Variants in CCDC150 observed in about 807,000 individuals in gnomAD.
The protein encoded by CCDC150 is coiled-coil domain containing 150, also known as coiled-coil domain-containing protein 150.
Under a neutral mutation model 156.5 loss-of-function variants are expected in CCDC150, and 151 were observed. The observed-to-expected ratio is 0.97, with a 90% CI of 0.85 to 1.10. The LOEUF is 1.10. Among genes scored for constraint, CCDC150 ranks in the 50% least tolerant of loss-of-function variants. The pLI, the probability that CCDC150 is intolerant of heterozygous loss-of-function variation, is 0.00. For missense variants in CCDC150, 1,312 were observed against 1,268.1 expected, an observed-to-expected ratio of 1.03 and a Z score of -0.53; for synonymous variants, 452 against 429.4, an observed-to-expected ratio of 1.05 and a Z score of -0.65.
At chr2:196,695,290 C>G in intron 14 of CCDC150, 131 bp downstream of exon 14, 1 of 519,024 alleles carries the variant, frequency 1.9e-6, no homozygotes, top group Non-Finnish European at 3.5e-6. Context: ...GAGATTCTTA[C>G]AGTATTCAAA....
At chr2:196,639,849 A>T in intron 1 of CCDC150, 71 bp downstream of exon 1, 2 of 1,362,598 alleles carry the variant, frequency 1.5e-6, no homozygotes, top group South Asian at 1.6e-5. Flanking sequence ...AGATAAGGAC[A>T]GTCACCACTC....
intron 15 of CCDC150, among the ~76,000 whole-genome samples, chr2:196,703,682 A>T (rs1325877589): frequency 6.6e-6 from 1 of 152,180 alleles, no homozygotes; most frequent in Non-Finnish European, 1.5e-5. Flanking sequence ...TATATTATGA[A>T]ATATATAAGA....
chr2:196,647,139 G>A (rs1692594060), intron 2 of CCDC150, among the ~76,000 whole-genome samples: 1 of 151,990 alleles, frequency 6.6e-6, no homozygotes, highest in South Asian at 2.1e-4. Flanking sequence ...AGTATAGTTG[G>A]TATAATACCC....
Position 196,732,096 on chromosome 2 carries a change from G to C in CCDC150, c.3133G>C (p.Glu1045Gln). 1 of 1,613,862 alleles carries C rather than the reference G, an allele frequency of 6.2e-7. No homozygotes were observed. The highest frequency in any genetic ancestry group is 1.6e-4 in the Middle Eastern group (1 of 6,062). ...GCACAGGTTTGATGGTCTACAACTT[G>C]AGCTGACAAAAAACCGGTTGCAGAG... ...FKHRFDGLQL[E>Q]LTKNRLQRPS... The change falls in exon 27 of 28, where the codon GAG (glutamate) becomes CAG (glutamine). Residue 1045 changes from glutamate to glutamine, a missense_variant. Physicochemically the swap from Glu to Gln is conservative, Grantham distance 29. Coordinates refer to ENST00000389175, the MANE Select transcript of CCDC150 (RefSeq NM_001080539.2).
chr2:196,711,460 C>T (rs1575926825), intron 15 of CCDC150, among the ~76,000 whole-genome samples: 3 of 151,970 alleles, frequency 2.0e-5, no homozygotes, highest in East Asian at 1.9e-4. Flanking sequence ...GGGGTAGGTT[C>T]GGTAACGTTA....
intron 10 of CCDC150, among the ~76,000 whole-genome samples, chr2:196,675,010 C>T (rs1462568296): frequency 6.6e-6 from 1 of 152,050 alleles, no homozygotes; most frequent in Non-Finnish European, 1.5e-5. Flanking sequence ...AGTTCACTTG[C>T]CCAAATTCAC....
intron 9 of CCDC150, 37 bp downstream of exon 9, chr2:196,672,474 TTTAA>T: frequency 8.6e-7 from 1 of 1,169,312 alleles, no homozygotes; most frequent in Non-Finnish European, 1.1e-6. Flanking sequence ...TTAGATGTTA[TTTAA>T]TTTTGTTCAA....
At chr2:196,692,926 T>A (rs1410209996) in intron 13 of CCDC150, among the ~76,000 whole-genome samples, 1 of 152,210 alleles carries the variant, frequency 6.6e-6, no homozygotes, top group Admixed American at 6.5e-5. Flanking sequence ...TGCTAAAATC[T>A]CCCACTGTTA....
At chr2:196,684,598 C>T (rs755084288) in intron 13 of CCDC150, among the ~76,000 whole-genome samples, 11 of 152,036 alleles carry the variant, frequency 7.2e-5, no homozygotes, top group African/African-American at 1.9e-4. Flanking sequence ...CTTCTGTTTC[C>T]GCATTAATCT....
In CCDC150 at chr2:196,684,055, A is replaced by G. The variant is rs1036387291; in HGVS notation, c.1509+6694A>G. On this transcript the variant is annotated intron_variant, in intron 13 of 27. Transcript: ENST00000389175. ...GGGTTTAATTTGCTTTTCTTTGTCT[A>G]GTTTCTAAAAAAAAGCTTAGGTTAT... is the stretch of plus-strand genomic sequence containing the variant. Among the ~76,000 whole-genome samples, 5 of 151,910 alleles carry G rather than the reference A, an allele frequency of 3.3e-5. No homozygotes were observed. The East Asian group carries it at 7.7e-4, about 23-fold the overall frequency.
intron 9 of CCDC150, among the ~76,000 whole-genome samples, chr2:196,673,924 T>A (rs1694351192): frequency 6.6e-6 from 1 of 152,188 alleles, no homozygotes; most frequent in African/African-American, 2.4e-5. Flanking sequence ...GTACTGACAT[T>A]GTAAATTCCA....
chr2:196,672,491 A>T, intron 9 of CCDC150, 54 bp downstream of exon 9: 1 of 1,003,638 alleles, frequency 1.0e-6, no homozygotes, highest in Non-Finnish European at 1.4e-6. Context: ...TTGTTCAATT[A>T]AATAACCAAG....
chr2:196,720,264 A>G (rs955828615), intron 19 of CCDC150: 2 of 332,264 alleles, frequency 6.0e-6, no homozygotes, highest in African/African-American at 4.3e-5. Context: ...TTTTTACATT[A>G]CATATTGTTT....
chr2:196,704,995 T>G (rs1696513652), intron 15 of CCDC150, among the ~76,000 whole-genome samples: 1 of 152,348 alleles, frequency 6.6e-6, no homozygotes, highest in Non-Finnish European at 1.5e-5. Context: ...CTATTGTGAA[T>G]AGTGCCGCAA....
rs1036875999 is a variant in CCDC150 at position 196,676,555 on chromosome 2, G to T, written c.1264G>T (p.Asp422Tyr). ...TATGTTCTTGATCTCTTCCTGCAGGGATCATTTAATCCTTGAGCATAACCA... is the reference window on the plus strand; with the variant it reads ...TATGTTCTTGATCTCTTCCTGCAGGTATCATTTAATCCTTGAGCATAACCA... The part of the protein sequence containing the change: ...NEKTQLQAHL[D>Y]HLILEHNQCI... The change falls in exon 12 of 28, where the codon GAT becomes TAT. Residue 422 changes from aspartate (D) to tyrosine (Y), a missense_variant and splice_region_variant. Coordinates refer to ENST00000389175, the MANE Select transcript of CCDC150 (RefSeq NM_001080539.2). 1.2e-6 allele frequency: 2 copies of T among 1,610,268 alleles called. No individual in the cohort carries two copies. Among genetic ancestry groups the T allele is most frequent in the African/African-American group, 1.3e-5 (1 of 74,730 alleles).
rs940073818 is a variant in CCDC150, at chr2:196,662,662, G to A, written c.646-2905G>A. 7.2e-5 allele frequency among the ~76,000 whole-genome samples: 11 copies of A among 152,138 alleles called. 1 individual carries two copies. In the Middle Eastern group the frequency reaches 0.01, roughly 141 times the overall value. On this transcript the variant is annotated intron_variant, in intron 5 of 27. Coordinates refer to ENST00000389175, the MANE Select transcript of CCDC150 (RefSeq NM_001080539.2). ...CCAGTCTGTGGCCCCAGGGGTTGGC[G>A]ACCCCTGTAATAAGGTATTATAACA...
chr2:196,728,219 C>T (rs1412997350), intron 22 of CCDC150, among the ~76,000 whole-genome samples: 1 of 152,018 alleles, frequency 6.6e-6, no homozygotes, highest in Non-Finnish European at 1.5e-5. Context: ...GAACATAATA[C>T]TCAGTACAAA....
Position 196,730,043 on chromosome 2 carries a change from A to C in CCDC150, c.2907A>C (p.Ser969=). The change falls in exon 25 of 28, where the codon TCA becomes TCC. Residue 969 remains serine, a synonymous_variant. Coordinates refer to ENST00000389175, the MANE Select transcript of CCDC150 (RefSeq NM_001080539.2). ...QMLAKSQYDA[S]VRNKQQELHL... is the part of the protein sequence containing the mutation. ...TGGCTAAGAGCCAATATGATGCCTCAGTGCGGAATAAACAGCAAGAGCTGC... is the reference window on the plus strand; with the variant it reads ...TGGCTAAGAGCCAATATGATGCCTCCGTGCGGAATAAACAGCAAGAGCTGC... 1 of 1,613,888 alleles carries C rather than the reference A, an allele frequency of 6.2e-7. No individual in the cohort carries two copies. The highest frequency in any genetic ancestry group is 8.5e-7 in the Non-Finnish European group (1 of 1,179,838).
intron 10 of CCDC150, 25 bp from the exon 11 acceptor site, chr2:196,676,118 T>C (rs900154344): frequency 1.2e-6 from 2 of 1,612,184 alleles, no homozygotes; most frequent in Admixed American, 1.7e-5. Context: ...GAGCTTCAAC[T>C]TCTAATATTG....
Sources: gnomAD v4.1 joint callset for allele counts (sites outside exome capture counted in the v4.1 genomes callset) on GRCh38, gnomAD v4.1.1 for gene constraint, MANE v1.5 for transcripts, NCBI Gene and HGNC (gene_info 2026-07-23, HGNC 2026-07-21) for gene names.